The following USH2A variants were observed in gnomAD, a reference collection of about 807,000 sequenced individuals.
The protein encoded by USH2A is Usher syndrome 2A (autosomal recessive, mild).
A neutral mutation model predicts 538.9 loss-of-function variants in USH2A; 443 were observed. The observed-to-expected ratio is 0.82, with a 90% CI of 0.76 to 0.89. USH2A has a LOEUF of 0.89. USH2A is among the 40% of genes least tolerant of loss of function. USH2A has a pLI of 0.00. For synonymous variants in USH2A, 2,413 were observed against 2,273.5 expected, an observed-to-expected ratio of 1.06 and a Z score of -1.75; for missense variants, 6,633 against 6,324.8, an observed-to-expected ratio of 1.05 and a Z score of -1.65.
chr1:215,902,982 T>G (rs1021857142), intron 38 of USH2A, among the ~76,000 whole-genome samples: 13 of 151,840 alleles, frequency 8.6e-5, no homozygotes, highest in African/African-American at 2.9e-4. Context: ...GTTGATAGAA[T>G]GAGTATAGAA....
intron 47 of USH2A, among the ~76,000 whole-genome samples, chr1:215,824,052 T>TTGAGAA (rs1663088995): frequency 6.6e-6 from 1 of 152,122 alleles, no homozygotes; most frequent in Admixed American, 6.6e-5. Flanking sequence ...TTTTGTCAGC[T>TTGAGAA]TGAGAAGATC....
intron 60 of USH2A, among the ~76,000 whole-genome samples, chr1:215,737,661 ATGTC>A (rs1660194532): frequency 2.0e-5 from 3 of 152,016 alleles, no homozygotes; most frequent in South Asian, 2.1e-4. Context: ...GGATAGGTAG[ATGTC>A]TGTCTGTCTG....
intron 4 of USH2A, among the ~76,000 whole-genome samples, chr1:216,357,879 A>G (rs2038418487): frequency 6.6e-6 from 1 of 152,210 alleles, no homozygotes; most frequent in South Asian, 2.1e-4. Flanking sequence ...GCTCCAGGTT[A>G]TATACCCAAT....
At chr1:216,146,578 G>A (rs914459596) in intron 21 of USH2A, among the ~76,000 whole-genome samples, 12 of 152,160 alleles carry the variant, frequency 7.9e-5, no homozygotes, top group Admixed American at 3.3e-4. Context: ...GGCAAGTCCC[G>A]CTTTCCTAGG....
intron 9 of USH2A, among the ~76,000 whole-genome samples, chr1:216,316,850 A>G (rs116383467): frequency 2.4e-3 from 373 of 152,278 alleles, no homozygotes; most frequent in African/African-American, 8.6e-3. Flanking sequence ...ATGAACAGAC[A>G]GTTCTCAAAA....
At chr1:216,327,738 A>G in intron 4 of USH2A, 84 bp from the exon 5 acceptor site, 1 of 1,521,954 alleles carries the variant, frequency 6.6e-7, no homozygotes, top group Non-Finnish European at 9.1e-7. Flanking sequence ...TATTCCTTTG[A>G]AGATGTTAAG....
intron 58 of USH2A, among the ~76,000 whole-genome samples, chr1:215,751,479 C>T (rs1338803578): frequency 1.3e-5 from 2 of 152,044 alleles, no homozygotes; most frequent in South Asian, 4.1e-4. Flanking sequence ...AAAATATAGT[C>T]ATCATCTCGA....
At chr1:216,374,845 C>A (rs999428813) in intron 3 of USH2A, among the ~76,000 whole-genome samples, 2 of 152,082 alleles carry the variant, frequency 1.3e-5, no homozygotes, top group African/African-American at 4.8e-5. Flanking sequence ...GTTCTAGGCT[C>A]ATTTTGTACT....
chr1:216,378,869 C>A (rs1371383985), intron 3 of USH2A, among the ~76,000 whole-genome samples: 1 of 151,928 alleles, frequency 6.6e-6, no homozygotes, highest in Non-Finnish European at 1.5e-5. Context: ...AATTTTTTTT[C>A]TCCATCTGTT....
intron 4 of USH2A, among the ~76,000 whole-genome samples, chr1:216,356,540 T>A (rs1221357427): frequency 6.6e-6 from 1 of 152,110 alleles, no homozygotes; most frequent in Non-Finnish European, 1.5e-5. Context: ...TGTATATGTA[T>A]GTTTATAACA....
rs541133042 is a variant in USH2A, at chr1:216,067,417, A to G, written c.6049+2684T>C. ...GTATCCCAGAACTTAAAGTATAATTAAAAAAAAAAGAAAGAAAGTTTTTGA... is the reference window on the plus strand; with the variant it reads ...GTATCCCAGAACTTAAAGTATAATTGAAAAAAAAAGAAAGAAAGTTTTTGA... On this transcript the variant is annotated intron_variant, in intron 30 of 71. Coordinates refer to ENST00000307340, the MANE Select transcript of USH2A (RefSeq NM_206933.4). Among the ~76,000 whole-genome samples the G allele has an allele frequency of 8.6e-4, 128 of 148,568 alleles. 1 individual carries two copies. The highest frequency in any genetic ancestry group is 3.0e-3 in the African/African-American group (122 of 40,438).
intron 20 of USH2A, among the ~76,000 whole-genome samples, chr1:216,189,963 A>G (rs1475677487): frequency 1.3e-5 from 2 of 151,886 alleles, no homozygotes; most frequent in Admixed American, 6.6e-5. Context: ...TATATTCTAT[A>G]TATTTCTAGT....
intron 33 of USH2A, 65 bp downstream of exon 33, chr1:216,000,338 C>T (rs1668238836): frequency 6.2e-7 from 1 of 1,601,366 alleles, no homozygotes; most frequent in Admixed American, 1.7e-5. Flanking sequence ...AAGCTCCTCC[C>T]CTGATTGAAC....
At chr1:216,240,932 A>C (rs536098633) in intron 13 of USH2A, among the ~76,000 whole-genome samples, 35 of 152,302 alleles carry the variant, frequency 2.3e-4, no homozygotes, top group African/African-American at 7.7e-4. Flanking sequence ...TCATATATCT[A>C]GTGGGAAAAA....
At position 215,747,838 on chromosome 1, in the gene USH2A, C is replaced by G. The variant is rs143083241; in HGVS notation, c.11390-4503G>C. On this transcript the variant is annotated intron_variant, in intron 58 of 71. Transcript: ENST00000307340. ...CAGTAAAGCAGTGAGGAATAAAAGG[C>G]TGTTGTTTGAAGCCACAGGTTTTTT... Among the ~76,000 whole-genome samples the G allele has an allele frequency of 2.0e-4, 30 of 151,842 alleles. No individual in the cohort carries two copies. The East Asian group carries it at 5.4e-3, about 27-fold the overall frequency.
At chr1:216,217,168 A>G (rs2035358769) in intron 15 of USH2A, among the ~76,000 whole-genome samples, 1 of 152,076 alleles carries the variant, frequency 6.6e-6, no homozygotes, top group South Asian at 2.1e-4. Context: ...ACTATTGTAA[A>G]TTTCCCACCA....
chr1:215,934,936 CTTCT>C, intron 37 of USH2A, 141 bp from the exon 38 acceptor site: 1 of 747,048 alleles, frequency 1.3e-6, no homozygotes, highest in Non-Finnish European at 2.1e-6. Flanking sequence ...ATTACATGTG[CTTCT>C]ATCAATGCAC....
At chr1:216,378,083 T>A (rs1036841231) in intron 3 of USH2A, among the ~76,000 whole-genome samples, 2 of 151,966 alleles carry the variant, frequency 1.3e-5, no homozygotes, top group African/African-American at 2.4e-5. Flanking sequence ...AGGAAAAAAA[T>A]TTCTTGGTGG....
At chr1:215,990,165 A>C (rs1193160432) in intron 35 of USH2A, among the ~76,000 whole-genome samples, 1 of 152,216 alleles carries the variant, frequency 6.6e-6, no homozygotes, top group Non-Finnish European at 1.5e-5. Context: ...GCCTGGTACC[A>C]TTAACTTTGA....
Sources: gnomAD v4.1 joint callset for allele counts (sites outside exome capture counted in the v4.1 genomes callset) on GRCh38, gnomAD v4.1.1 for gene constraint, MANE v1.5 for transcripts, NCBI Gene and HGNC (gene_info 2026-07-23, HGNC 2026-07-21) for gene names.